Variants in SPRY3 observed in about 807,000 individuals in gnomAD.
SPRY3 encodes protein sprouty homolog 3.
A neutral mutation model predicts 20.2 loss-of-function variants in SPRY3; 15 were observed. The ratio of observed to expected loss-of-function variants is 0.74; its 90% CI spans 0.50 to 1.14. The LOEUF (loss-of-function observed/expected upper bound fraction) is 1.14, where lower values mean the gene tolerates loss of function less well. Ranked by LOEUF, SPRY3 falls within the 50% of genes most tolerant of loss-of-function variation. SPRY3 has a pLI of 0.00. For synonymous variants in SPRY3, 143 were observed against 136.5 expected (o/e 1.05, Z -0.33); for missense variants, 364 against 363.9 (o/e 1.00, Z 0.00).
chrX:155,716,559 C>A (rs1315466572), intron 2 of SPRY3, among the ~76,000 whole-genome samples: 1 of 151,894 alleles, frequency 6.6e-6, no homozygotes, highest in East Asian at 1.9e-4. Flanking sequence ...CAACTTAATT[C>A]TGGCTCTTTC....
At chrX:155,728,086 T>G (rs1422083347) in intron 2 of SPRY3, among the ~76,000 whole-genome samples, 3 of 152,056 alleles carry the variant, frequency 2.0e-5, no homozygotes, top group Admixed American at 1.3e-4. Flanking sequence ...TTGCTGGAGG[T>G]CCACTCCAGA....
At chrX:155,709,790 A>C (rs2090974003) in intron 2 of SPRY3, among the ~76,000 whole-genome samples, 1 of 151,632 alleles carries the variant, frequency 6.6e-6, no homozygotes, top group South Asian at 2.1e-4. Flanking sequence ...TAGTTTCATA[A>C]GTTTAGTCTT....
chrX:155,707,027 T>G (rs1359901383), intron 2 of SPRY3, among the ~76,000 whole-genome samples: 1 of 151,114 alleles, frequency 6.6e-6, no homozygotes, highest in East Asian at 1.9e-4. Flanking sequence ...TTCTTTCCTT[T>G]CCTTGCTTTA....
intron 2 of SPRY3, among the ~76,000 whole-genome samples, chrX:155,747,981 C>T (rs1249886565): frequency 2.6e-5 from 4 of 151,732 alleles, no homozygotes; most frequent in Admixed American, 6.6e-5. Context: ...TATACTTATA[C>T]GATTTATATA....
rs1351376120 is a variant in SPRY3, at chrX:155,737,764, A to C, written c.-281-30198A>C. ...CCAAATCATGTGAAGCCTTTTGCTC[A>C]TAGTAAGGAGTTTAGAATTTATCCT... On this transcript the variant is annotated intron_variant, in intron 2 of 3. Transcript: ENST00000675360. Among the ~76,000 whole-genome samples the C allele has an allele frequency of 2.6e-5, 4 of 152,162 alleles. No homozygotes were observed. The East Asian group carries it at 7.7e-4, about 29-fold the overall frequency.
intron 2 of SPRY3, among the ~76,000 whole-genome samples, chrX:155,668,215 G>C (rs1301833151): frequency 4.5e-5 from 5 of 111,133 alleles, no homozygotes; most frequent in Non-Finnish European, 7.6e-5. Flanking sequence ...ATGTTCATCA[G>C]TAGTAGAATG....
intron 2 of SPRY3, among the ~76,000 whole-genome samples, chrX:155,680,875 C>G (rs771033551): frequency 9.0e-6 from 1 of 111,248 alleles, no homozygotes; most frequent in Non-Finnish European, 1.9e-5. Context: ...TGATTGTGAT[C>G]GGTGATCTTT....
intron 1 of SPRY3, among the ~76,000 whole-genome samples, chrX:155,619,129 T>C (rs946125337): frequency 9.0e-6 from 1 of 110,833 alleles, no homozygotes; most frequent in Non-Finnish European, 1.9e-5. Flanking sequence ...AAAGATTTTA[T>C]CATGTTTTTA....
intron 1 of SPRY3, among the ~76,000 whole-genome samples, chrX:155,649,919 G>A (rs1239745066): frequency 4.5e-5 from 5 of 111,589 alleles, no homozygotes; most frequent in African/African-American, 9.8e-5. Context: ...ACTTCAGCAG[G>A]CTCAGGATAC....
At chrX:155,655,759 T>C (rs782305986) in intron 1 of SPRY3, among the ~76,000 whole-genome samples, 1 of 111,817 alleles carries the variant, frequency 8.9e-6, no homozygotes, top group South Asian at 3.8e-4. Context: ...TTCCTTTCCA[T>C]ATTTAGTGCT....
At chrX:155,705,687 A>T (rs184138918) in intron 2 of SPRY3, among the ~76,000 whole-genome samples, 43 of 151,490 alleles carry the variant, frequency 2.8e-4, no homozygotes. Context: ...TAATGCAAAC[A>T]CTAGCTGAAA....
chrX:155,739,283 A>T (rs1477071976), intron 2 of SPRY3, among the ~76,000 whole-genome samples: 1 of 152,106 alleles, frequency 6.6e-6, no homozygotes, highest in East Asian at 1.9e-4. Flanking sequence ...AATTCCGACC[A>T]GGGTTATATG....
exon 4 of SPRY3, chrX:155,774,538 G>A: frequency 6.2e-7 from 1 of 1,613,986 alleles, no homozygotes; most frequent in South Asian, 1.1e-5. Context: ...TGTCCGCTGG[G>A]CAGCCATGAG....
chrX:155,754,959 C>T (rs2091278059), intron 2 of SPRY3, among the ~76,000 whole-genome samples: 1 of 134,578 alleles, frequency 7.4e-6, no homozygotes, highest in Admixed American at 7.4e-5. Flanking sequence ...TGTAGCTGAA[C>T]TTGTGTGTGT....
intron 2 of SPRY3, among the ~76,000 whole-genome samples, chrX:155,667,978 G>A (rs1475429664): frequency 2.7e-5 from 3 of 109,148 alleles, no homozygotes; most frequent in Non-Finnish European, 5.8e-5. Flanking sequence ...CAAGGTTGTT[G>A]AACATTTGGA....
intron 2 of SPRY3, among the ~76,000 whole-genome samples, chrX:155,720,199 G>A (rs755349317): frequency 5.3e-5 from 8 of 152,256 alleles, no homozygotes; most frequent in Admixed American, 5.2e-4. Context: ...GCCACAGGGT[G>A]GGGCTCCTTT....
intron 2 of SPRY3, among the ~76,000 whole-genome samples, chrX:155,659,111 C>CTTTCTTTCTT (rs1157912873): frequency 1.1e-5 from 1 of 87,056 alleles, no homozygotes; most frequent in East Asian, 3.6e-4. Flanking sequence ...TTTCTTCTTT[C>CTTTCTTTCTT]TTTCTTTCTT....
intron 2 of SPRY3, among the ~76,000 whole-genome samples, chrX:155,736,973 C>T (rs1430039391): frequency 6.6e-6 from 1 of 152,056 alleles, no homozygotes; most frequent in African/African-American, 2.4e-5. Flanking sequence ...GTCTAGTCTA[C>T]TGGTGAGCCC....
At chrX:155,636,569 GTATGTAT>G (rs1569562421) in intron 1 of SPRY3, among the ~76,000 whole-genome samples, 6 of 29,668 alleles carry the variant, frequency 2.0e-4, no homozygotes, top group Admixed American at 9.3e-4. Context: ...AGGTAGGTAT[GTATGTAT>G]GTATGTATGT....
Sources: gnomAD v4.1 joint callset for allele counts (sites outside exome capture counted in the v4.1 genomes callset) on GRCh38, gnomAD v4.1.1 for gene constraint, MANE v1.5 for transcripts, NCBI Gene and HGNC (gene_info 2026-07-23, HGNC 2026-07-21) for gene names.